SYNDIG1: variants seen among roughly 807,000 people sequenced by gnomAD.
SYNDIG1 encodes the protein synapse differentiation inducing 1.
SYNDIG1 carries 9 observed loss-of-function variants against 19.4 expected under a neutral mutation model. The ratio of observed to expected loss-of-function variants is 0.46; its 90% CI spans 0.28 to 0.81. SYNDIG1 has a LOEUF of 0.81. Ranked by LOEUF, SYNDIG1 falls within the 30% of genes least tolerant of loss-of-function variation. The pLI, the probability that SYNDIG1 is intolerant of heterozygous loss-of-function variation, is 0.12. For missense variants in SYNDIG1, 311 were observed against 343.3 expected, an observed-to-expected ratio of 0.91 and a Z score of 0.74; for synonymous variants, 141 against 145.9, an observed-to-expected ratio of 0.97 and a Z score of 0.24.
intron 3 of SYNDIG1, among the ~76,000 whole-genome samples, chr20:24,661,488 GA>G (rs1568723233): frequency 1.2e-4 from 1 of 8,648 alleles, no homozygotes; most frequent in African/African-American, 4.7e-4. Context: ...GAGGGAGGAA[GA>G]AGGGAGGGAG....
At chr20:24,496,890 C>G (rs2146347097) in intron 1 of SYNDIG1, among the ~76,000 whole-genome samples, 1 of 152,188 alleles carries the variant, frequency 6.6e-6, no homozygotes, top group South Asian at 2.1e-4. Flanking sequence ...TAATTTTTAT[C>G]TATTTCTAAT....
intron 3 of SYNDIG1, among the ~76,000 whole-genome samples, chr20:24,653,864 C>T (rs893994701): frequency 1.3e-5 from 2 of 152,194 alleles, no homozygotes; most frequent in Non-Finnish European, 2.9e-5. Context: ...TGGTCTGTGT[C>T]CCTGTCATCT....
At chr20:24,664,943 G>A (rs907942631) in intron 3 of SYNDIG1, among the ~76,000 whole-genome samples, 5 of 152,238 alleles carry the variant, frequency 3.3e-5, no homozygotes, top group Middle Eastern at 3.4e-3. Flanking sequence ...AGAAAATTAC[G>A]AGTTATTCAA....
intron 1 of SYNDIG1, among the ~76,000 whole-genome samples, chr20:24,520,566 G>A (rs1171906147): frequency 7.9e-5 from 12 of 151,886 alleles, no homozygotes; most frequent in African/African-American, 2.9e-4. Flanking sequence ...TGTGGTGTGC[G>A]CCTGTAATCC....
chr20:24,542,521 C>T (rs2057488176), intron 1 of SYNDIG1, among the ~76,000 whole-genome samples: 1 of 152,180 alleles, frequency 6.6e-6, no homozygotes. Flanking sequence ...TCTCAAGATG[C>T]CTCAGTAGCA....
chr20:24,578,130 T>G (rs960003916), intron 2 of SYNDIG1, among the ~76,000 whole-genome samples: 1 of 152,232 alleles, frequency 6.6e-6, no homozygotes, highest in Non-Finnish European at 1.5e-5. Flanking sequence ...TGCAGATTTC[T>G]GCCCTCCTGG....
At chr20:24,618,301 AG>A (rs2058980084) in intron 3 of SYNDIG1, among the ~76,000 whole-genome samples, 1 of 107,374 alleles carries the variant, frequency 9.3e-6, no homozygotes, top group Admixed American at 1.2e-4. Context: ...AGCCCAGGGA[AG>A]GGGGAGAGCC....
intron 3 of SYNDIG1, among the ~76,000 whole-genome samples, chr20:24,629,649 T>C (rs2059210734): frequency 6.6e-6 from 1 of 152,140 alleles, no homozygotes; most frequent in Admixed American, 6.5e-5. Flanking sequence ...TGCCACGCCG[T>C]GCTGTAGGAA....
chr20:24,651,318 C>T (rs756796256), intron 3 of SYNDIG1, among the ~76,000 whole-genome samples: 39 of 152,078 alleles, frequency 2.6e-4, no homozygotes, highest in Non-Finnish European at 4.1e-4. Context: ...ATAAAGGCCA[C>T]AAGAATGTCA....
chr20:24,517,432 G>A (rs1243569993), intron 1 of SYNDIG1, among the ~76,000 whole-genome samples: 2 of 150,258 alleles, frequency 1.3e-5, no homozygotes, highest in South Asian at 2.1e-4. Flanking sequence ...TGGCTAACAC[G>A]GTGAAACCCC....
At chr20:24,662,285 C>CT (rs1339509364) in intron 3 of SYNDIG1, among the ~76,000 whole-genome samples, 2 of 151,876 alleles carry the variant, frequency 1.3e-5, no homozygotes, top group Admixed American at 6.6e-5. Context: ...GCTGTCATTG[C>CT]TATGGCGCAA....
chr20:24,509,191 C>T (rs1040065144), intron 1 of SYNDIG1, among the ~76,000 whole-genome samples: 1 of 151,682 alleles, frequency 6.6e-6, no homozygotes, highest in African/African-American at 2.4e-5. Flanking sequence ...ATTTAGTGTA[C>T]ACACATGTGT....
At chr20:24,474,062 A>G (rs1417655173) in intron 1 of SYNDIG1, among the ~76,000 whole-genome samples, 2 of 152,240 alleles carry the variant, frequency 1.3e-5, no homozygotes, top group Non-Finnish European at 2.9e-5. Flanking sequence ...GGGTGTGTAC[A>G]TAGCCATGTG....
chr20:24,548,384 C>T (rs749607148), intron 2 of SYNDIG1, among the ~76,000 whole-genome samples: 1 of 152,230 alleles, frequency 6.6e-6, no homozygotes, highest in Non-Finnish European at 1.5e-5. Context: ...GCCAAGCTTT[C>T]CAAGGCCTTC....
intron 1 of SYNDIG1, among the ~76,000 whole-genome samples, chr20:24,477,414 T>A (rs1306778239): frequency 1.3e-5 from 2 of 152,188 alleles, no homozygotes; most frequent in Non-Finnish European, 2.9e-5. Context: ...TCCCATTGAT[T>A]GTCTTCAGTC....
intron 2 of SYNDIG1, among the ~76,000 whole-genome samples, chr20:24,556,160 A>G (rs1261826500): frequency 6.6e-6 from 1 of 152,022 alleles, no homozygotes; most frequent in African/African-American, 2.4e-5. Context: ...TTTGCTTGGT[A>G]GATCTTCCTC....
At chr20:24,587,680 G>A (rs950645742) in intron 3 of SYNDIG1, among the ~76,000 whole-genome samples, 1 of 152,248 alleles carries the variant, frequency 6.6e-6, no homozygotes, top group Non-Finnish European at 1.5e-5. Flanking sequence ...GGACTGGAGA[G>A]GGGGAAGCCC....
At chr20:24,618,361 A>G in intron 3 of SYNDIG1, among the ~76,000 whole-genome samples, 1 of 139,644 alleles carries the variant, frequency 7.2e-6, no homozygotes, top group African/African-American at 2.7e-5. Flanking sequence ...GGGAGGGGGG[A>G]GAGCCTGGGG....
At chr20:24,470,315 G>C (rs1568748728) in intron 1 of SYNDIG1, among the ~76,000 whole-genome samples, 1 of 152,208 alleles carries the variant, frequency 6.6e-6, no homozygotes, top group Non-Finnish European at 1.5e-5. Context: ...CGAGCGGAGC[G>C]GCAGGCAAGG....
Sources: allele counts gnomAD v4.1 joint callset (sites outside exome capture counted in the v4.1 genomes callset), GRCh38; gene constraint gnomAD v4.1.1; transcripts MANE v1.5; gene names NCBI Gene and HGNC (gene_info 2026-07-23, HGNC 2026-07-21).